Variants in DIP2C observed in about 807,000 individuals in gnomAD.
DIP2C encodes the protein DIP2 acetate--CoA ligase C (putative).
DIP2C carries 33 observed loss-of-function variants against 192.4 expected under a neutral mutation model. The observed-to-expected ratio is 0.17, with a 90% CI of 0.13 to 0.23. DIP2C has a LOEUF of 0.23. Among genes scored for constraint, DIP2C ranks in the 10% least tolerant of loss-of-function variants. The pLI is 1.00. For missense variants in DIP2C, 1,537 were observed against 2,110.1 expected, an observed-to-expected ratio of 0.73 and a Z score of 5.32; for synonymous variants, 979 against 864.1, an observed-to-expected ratio of 1.13 and a Z score of -2.33.
intron 1 of DIP2C, among the ~76,000 whole-genome samples, chr10:578,912 T>C (rs1008516183): frequency 6.6e-6 from 1 of 150,510 alleles, no homozygotes; most frequent in Non-Finnish European, 1.5e-5. Context: ...AGATCCACAG[T>C]GTGTGCACAT....
chr10:366,470 G>C, intron 18 of DIP2C, 59 bp from the exon 19 acceptor site: 2 of 1,608,530 alleles, frequency 1.2e-6, no homozygotes, highest in East Asian at 4.5e-5. Context: ...GAGAATAAAG[G>C]AAACAGGGAA....
chr10:486,591 C>G, intron 1 of DIP2C, 61 bp from the exon 2 acceptor site: 1 of 1,413,826 alleles, frequency 7.1e-7, no homozygotes, highest in Non-Finnish European at 9.6e-7. Context: ...TATCATTCAA[C>G]GGTGCCCAAG....
chr10:418,830 A>G (rs563130037), intron 6 of DIP2C, among the ~76,000 whole-genome samples: 72 of 152,362 alleles, frequency 4.7e-4, no homozygotes, highest in African/African-American at 1.3e-3. Flanking sequence ...TCTCATGACT[A>G]AATTCCTACA....
At chr10:462,775 A>G (rs1969899806) in intron 3 of DIP2C, among the ~76,000 whole-genome samples, 1 of 152,224 alleles carries the variant, frequency 6.6e-6, no homozygotes, top group South Asian at 2.1e-4. Context: ...AAAATCCTCA[A>G]TAAAATGCTG....
intron 1 of DIP2C, among the ~76,000 whole-genome samples, chr10:584,446 C>T (rs1850872882): frequency 6.7e-6 from 1 of 149,336 alleles, no homozygotes; most frequent in Non-Finnish European, 1.5e-5. Flanking sequence ...CCCACTCACG[C>T]GCATCACCTC....
intron 24 of DIP2C, among the ~76,000 whole-genome samples, chr10:351,188 A>G (rs1351402413): frequency 6.6e-6 from 1 of 152,180 alleles, no homozygotes; most frequent in Non-Finnish European, 1.5e-5. Context: ...AGGACGCCGC[A>G]CGGACGAACA....
At chr10:476,119 T>TGG (rs1202708364) in intron 2 of DIP2C, among the ~76,000 whole-genome samples, 2 of 152,120 alleles carry the variant, frequency 1.3e-5, no homozygotes, top group African/African-American at 2.4e-5. Context: ...GAGGCCGGCA[T>TGG]GGTCCCTGGG....
At chr10:401,147 G>T (rs1214538973) in intron 9 of DIP2C, among the ~76,000 whole-genome samples, 6 of 146,898 alleles carry the variant, frequency 4.1e-5, no homozygotes, top group Admixed American at 1.3e-4. Context: ...GGACAAGTTT[G>T]GTATGTGTTC....
At chr10:686,762 G>C (rs1037076114) in intron 1 of DIP2C, among the ~76,000 whole-genome samples, 1 of 152,250 alleles carries the variant, frequency 6.6e-6, no homozygotes, top group African/African-American at 2.4e-5. Flanking sequence ...GGAGCCCTCG[G>C]CCCCGCAGCA....
At chr10:411,553 T>C (rs1965187989) in intron 8 of DIP2C, among the ~76,000 whole-genome samples, 1 of 152,210 alleles carries the variant, frequency 6.6e-6, no homozygotes, top group Non-Finnish European at 1.5e-5. Context: ...ACGGCAGGAC[T>C]TTAGAGAATA....
chr10:391,388 T>C (rs1963444112), intron 10 of DIP2C, among the ~76,000 whole-genome samples: 1 of 152,270 alleles, frequency 6.6e-6, no homozygotes, highest in Admixed American at 6.5e-5. Context: ...CTCCTCACCC[T>C]GAGCAGCCCA....
chr10:382,581 A>T, intron 17 of DIP2C, 66 bp downstream of exon 17: 1 of 1,281,762 alleles, frequency 7.8e-7, no homozygotes, highest in Non-Finnish European at 1.1e-6. Flanking sequence ...GGATTTCCTG[A>T]TCTCCCTTCG....
chr10:477,807 G>C (rs1009033835), intron 2 of DIP2C, among the ~76,000 whole-genome samples: 18 of 128,882 alleles, frequency 1.4e-4, no homozygotes, highest in African/African-American at 5.4e-4. Context: ...AGGAAGGAAA[G>C]AGAAGGAAAA....
chr10:563,793 T>C (rs1849331580), intron 1 of DIP2C, among the ~76,000 whole-genome samples: 1 of 152,182 alleles, frequency 6.6e-6, no homozygotes, highest in Non-Finnish European at 1.5e-5. Flanking sequence ...TTCAGACTAC[T>C]GGGCTATACC....
At chr10:593,832 C>T (rs1851545294) in intron 1 of DIP2C, among the ~76,000 whole-genome samples, 1 of 152,202 alleles carries the variant, frequency 6.6e-6, no homozygotes, top group South Asian at 2.1e-4. Flanking sequence ...GTCTCACTCA[C>T]CTTCAAATTC....
chr10:599,941 A>G (rs1317287365), intron 1 of DIP2C, among the ~76,000 whole-genome samples: 4 of 152,088 alleles, frequency 2.6e-5, no homozygotes, highest in Non-Finnish European at 5.9e-5. Context: ...ACACCTCAAG[A>G]GGCCGGGTGT....
At chr10:555,257 C>T (rs1490340995) in intron 1 of DIP2C, among the ~76,000 whole-genome samples, 1 of 151,804 alleles carries the variant, frequency 6.6e-6, no homozygotes, top group African/African-American at 2.4e-5. Flanking sequence ...TTCACGGGCT[C>T]TTCTGGGCTC....
chr10:408,769 C>G (rs910423020), intron 9 of DIP2C, among the ~76,000 whole-genome samples, 157 bp downstream of exon 9: 3 of 152,212 alleles, frequency 2.0e-5, no homozygotes, highest in Admixed American at 6.5e-5. Context: ...TTAATAGTAT[C>G]TGTCCTGTGT....
chr10:628,062 C>G (rs546635446), intron 1 of DIP2C, among the ~76,000 whole-genome samples: 1 of 152,238 alleles, frequency 6.6e-6, no homozygotes, highest in South Asian at 2.1e-4. Flanking sequence ...ACACTCGATG[C>G]AGGCCTCACT....
Sources: gnomAD v4.1 joint callset for allele counts (sites outside exome capture counted in the v4.1 genomes callset) on GRCh38, gnomAD v4.1.1 for gene constraint, MANE v1.5 for transcripts, NCBI Gene and HGNC (gene_info 2026-07-23, HGNC 2026-07-21) for gene names.